Variants in DOCK5 observed in about 807,000 individuals in gnomAD.
The protein encoded by DOCK5 is dedicator of cytokinesis protein 5.
A neutral mutation model predicts 251.8 loss-of-function variants in DOCK5; 142 were observed. The observed-to-expected ratio is 0.56, with a 90% CI of 0.49 to 0.65. The LOEUF is 0.65. Ranked by LOEUF, DOCK5 falls within the 30% of genes least tolerant of loss-of-function variation. The probability of loss-of-function intolerance (pLI) is 0.00; values close to 1 mark genes in which losing one functional copy is unlikely to be tolerated. For synonymous variants in DOCK5, 842 were observed against 835.5 expected (o/e 1.01, Z -0.13); for missense variants, 2,111 against 2,312.3 (o/e 0.91, Z 1.79).
chr8:25,288,035 G>A (rs555234020), intron 5 of DOCK5, among the ~76,000 whole-genome samples: 2 of 151,896 alleles, frequency 1.3e-5, no homozygotes, highest in Non-Finnish European at 2.9e-5. Context: ...ATAGGTACCC[G>A]CCACCACACC....
intron 5 of DOCK5, among the ~76,000 whole-genome samples, chr8:25,288,437 C>G (rs1804399521): frequency 6.6e-6 from 1 of 152,184 alleles, no homozygotes; most frequent in Non-Finnish European, 1.5e-5. Flanking sequence ...TTCATCCTTC[C>G]TTGGGGGACA....
rs763286008 is a variant in DOCK5 at position 25,401,029 on chromosome 8, A to G, written c.4889A>G (p.Lys1630Arg). Residue 1630 changes from lysine to arginine, a missense_variant, in exon 47 of 52, where the codon AAG (lysine) becomes AGG (arginine). By Grantham distance (26) the Lys-to-Arg change is conservative. Around this residue, in one of 3 missense-constraint regions of DOCK5, gnomAD observed 1,717 missense variants for 1,892.4 expected, o/e 0.91. Transcript: ENST00000276440. ...ERLSSCFREL[K>R]EKVEKHYGVI... ...TTGTCTTCTTGCTTCCGGGAACTCA[A>G]GGAGAAAGTAGAAAAGCACTATGGG... The G allele has an allele frequency of 1.2e-5, 20 of 1,613,902 alleles. No homozygotes were observed. Among genetic ancestry groups the G allele is most frequent in the African/African-American group, 2.7e-5 (2 of 74,942 alleles).
intron 2 of DOCK5, among the ~76,000 whole-genome samples, chr8:25,247,357 T>C (rs1803145000): frequency 6.6e-6 from 1 of 152,130 alleles, no homozygotes. Flanking sequence ...AGCACTTTGG[T>C]AGGCTGAGAT....
chr8:25,354,499 C>A (rs908564014), intron 27 of DOCK5, among the ~76,000 whole-genome samples: 2 of 152,128 alleles, frequency 1.3e-5, no homozygotes, highest in African/African-American at 4.8e-5. Flanking sequence ...AAGGGAAGGG[C>A]AGGACTGGAT....
intron 37 of DOCK5, chr8:25,375,698 A>G: frequency 3.0e-6 from 3 of 984,090 alleles, no homozygotes; most frequent in East Asian, 1.1e-4. Context: ...CTAAAGTAAT[A>G]TATGGGCATT....
chr8:25,237,793 T>C (rs1802840822), intron 1 of DOCK5, among the ~76,000 whole-genome samples: 1 of 152,218 alleles, frequency 6.6e-6, no homozygotes, highest in South Asian at 2.1e-4. Flanking sequence ...TGGCACATGT[T>C]TCTTTTGCCT....
At chr8:25,311,272 G>C (rs1424480108) in intron 13 of DOCK5, among the ~76,000 whole-genome samples, 1 of 152,036 alleles carries the variant, frequency 6.6e-6, no homozygotes, top group Non-Finnish European at 1.5e-5. Flanking sequence ...GGCCGAGCAG[G>C]GTGGCTCACG....
At chr8:25,324,017 A>G in intron 17 of DOCK5, 66 bp downstream of exon 17, 1 of 1,449,660 alleles carries the variant, frequency 6.9e-7, no homozygotes, top group Non-Finnish European at 9.3e-7. Flanking sequence ...GACTCCTTTC[A>G]TATTTATTTG....
At chr8:25,355,317 T>TA (rs1800548001) in intron 27 of DOCK5, among the ~76,000 whole-genome samples, 1 of 152,236 alleles carries the variant, frequency 6.6e-6, no homozygotes, top group African/African-American at 2.4e-5. Context: ...AAGAAAAAGA[T>TA]ACTAAACATA....
chr8:25,249,192 A>C (rs1803201523), intron 2 of DOCK5, among the ~76,000 whole-genome samples: 2 of 151,928 alleles, frequency 1.3e-5, no homozygotes, highest in South Asian at 4.2e-4. Flanking sequence ...GGAGAGGTGA[A>C]GCCTTGCTGT....
chr8:25,204,391 G>A (rs948276962), intron 1 of DOCK5, among the ~76,000 whole-genome samples: 5 of 152,140 alleles, frequency 3.3e-5, no homozygotes, highest in African/African-American at 1.2e-4. Flanking sequence ...GAGTGACCAA[G>A]TGGCTTGACT....
intron 1 of DOCK5, among the ~76,000 whole-genome samples, chr8:25,237,893 G>GCTTA (rs1333766393): frequency 1.3e-5 from 2 of 152,204 alleles, no homozygotes; most frequent in Non-Finnish European, 2.9e-5. Flanking sequence ...TGAGGCCTAG[G>GCTTA]CTTAGTAGCT....
chr8:25,263,159 T>G (rs1057476061), intron 2 of DOCK5, among the ~76,000 whole-genome samples: 1 of 151,896 alleles, frequency 6.6e-6, no homozygotes, highest in Non-Finnish European at 1.5e-5. Flanking sequence ...TTGAGACAAA[T>G]AAGATCATTT....
chr8:25,270,459 C>T (rs1803876589), intron 3 of DOCK5, among the ~76,000 whole-genome samples: 1 of 152,012 alleles, frequency 6.6e-6, no homozygotes, highest in African/African-American at 2.4e-5. Flanking sequence ...CTTCAAAGCA[C>T]CATTAGAGTT....
chr8:25,384,450 TA>T, intron 40 of DOCK5, among the ~76,000 whole-genome samples: 6 of 26,440 alleles, frequency 2.3e-4, no homozygotes, highest in Admixed American at 1.3e-3. Context: ...TTTATTTATT[TA>T]TTTATTTATT....
In DOCK5 at chr8:25,266,555, C is replaced by T. The variant is rs143328752; in HGVS notation, c.128-2290C>T. Among the ~76,000 whole-genome samples, 111 of 151,866 alleles carry T rather than the reference C, an allele frequency of 7.3e-4. 2 individuals are homozygous for T. Among genetic ancestry groups the T allele is most frequent in the African/African-American group, 2.3e-3 (96 of 41,204 alleles). ...AATTATGATTGTCTTACTGTAAATA[C>T]GCGGGATTAATTGGAAAACTGGATT... On this transcript the variant is annotated intron_variant, in intron 2 of 51. Coordinates refer to ENST00000276440, the MANE Select transcript of DOCK5 (RefSeq NM_024940.8).
intron 11 of DOCK5, among the ~76,000 whole-genome samples, chr8:25,306,670 G>A (rs1012558497): frequency 1.6e-4 from 24 of 151,566 alleles, no homozygotes; most frequent in African/African-American, 3.6e-4. Flanking sequence ...CTCCAGCCTC[G>A]GCGACAGAGC....
intron 11 of DOCK5, among the ~76,000 whole-genome samples, chr8:25,308,265 G>C (rs1006729795): frequency 6.6e-6 from 1 of 152,092 alleles, no homozygotes; most frequent in African/African-American, 2.4e-5. Context: ...ATGGAAATCT[G>C]AGAACATCTA....
At chr8:25,262,938 C>T in intron 2 of DOCK5, among the ~76,000 whole-genome samples, 1 of 149,726 alleles carries the variant, frequency 6.7e-6, no homozygotes, top group East Asian at 1.9e-4. Flanking sequence ...CCTGCCTCCA[C>T]CTCCTGAGTT....
Sources: gnomAD v4.1 joint callset for allele counts (sites outside exome capture counted in the v4.1 genomes callset) on GRCh38, gnomAD v4.1.1 for gene constraint, gnomAD v4.1.1 regional missense constraint, MANE v1.5 for transcripts, NCBI Gene and HGNC (gene_info 2026-07-23, HGNC 2026-07-21) for gene names.